TMEM143: variants seen among roughly 807,000 people sequenced by gnomAD.
TMEM143 encodes the protein transmembrane protein 143.
TMEM143 carries 45 observed loss-of-function variants against 40.3 expected under a neutral mutation model. The observed-to-expected ratio is 1.12, with a 90% CI of 0.88 to 1.43. The LOEUF (loss-of-function observed/expected upper bound fraction) is 1.43, where lower values mean the gene tolerates loss of function less well. Ranked by LOEUF, TMEM143 falls within the 40% of genes most tolerant of loss-of-function variation. The probability of loss-of-function intolerance (pLI) is 0.00; values close to 1 mark genes in which losing one functional copy is unlikely to be tolerated. For synonymous variants in TMEM143, 299 were observed against 282.7 expected (o/e 1.06, Z -0.58); for missense variants, 620 against 613.4 (o/e 1.01, Z -0.11).
At chr19:48,340,456 G>A (rs113710720) in intron 6 of TMEM143, among the ~76,000 whole-genome samples, 2,923 of 151,830 alleles carry the variant, frequency 0.019, 29 homozygotes, top group Non-Finnish European at 0.029. Context: ...TTGATTTGGG[G>A]TTTCACTATG....
intron 2 of TMEM143, among the ~76,000 whole-genome samples, chr19:48,361,728 C>A (rs1442227050): frequency 6.6e-6 from 1 of 151,418 alleles, no homozygotes; most frequent in Non-Finnish European, 1.5e-5. Flanking sequence ...ACGGTTTCAT[C>A]GTGTTAGCCA....
intron 3 of TMEM143, among the ~76,000 whole-genome samples, chr19:48,347,038 T>C (rs12980877): frequency 0.015 from 2,303 of 152,260 alleles, 29 homozygotes; most frequent in Middle Eastern, 0.13. Flanking sequence ...CAAACTGGCA[T>C]CTAACCTGCC....
intron 3 of TMEM143, among the ~76,000 whole-genome samples, chr19:48,351,439 C>G (rs1969772581): frequency 6.6e-6 from 1 of 152,198 alleles, no homozygotes; most frequent in African/African-American, 2.4e-5. Context: ...GTGGGTTCCC[C>G]AAGCAGCCAC....
chr19:48,345,246 G>A lies in TMEM143; in HGVS notation c.478C>T (p.Leu160=), dbSNP rs745885898. 5.6e-6 allele frequency: 9 copies of A among 1,613,272 alleles called. No individual in the cohort carries two copies. Among genetic ancestry groups the A allele is most frequent in the South Asian group, 2.2e-5 (2 of 91,066 alleles). ...EQEVLRALEP[L]LAQANFSPLS... ...GGGGAGAAGTTGGCCTGGGCCAGCA[G>A]GGGCTCCAGAGCCCGAAGCACCTCC... The change falls in exon 4 of 8, where the codon CTG becomes TTG. Residue 160 remains leucine, a synonymous_variant. Transcript: ENST00000293261.
intron 3 of TMEM143, among the ~76,000 whole-genome samples, chr19:48,358,990 G>A (rs1289178637): frequency 1.3e-5 from 2 of 152,146 alleles, no homozygotes; most frequent in South Asian, 2.1e-4. Flanking sequence ...CCAACATGGT[G>A]AAACCCAGTC....
At chr19:48,345,087 C>T in intron 4 of TMEM143, 73 bp downstream of exon 4, 1 of 1,506,240 alleles carries the variant, frequency 6.6e-7, no homozygotes, top group South Asian at 1.2e-5. Context: ...CTCCCAGCAG[C>T]CCATGCCTCT....
intron 6 of TMEM143, among the ~76,000 whole-genome samples, chr19:48,339,600 C>G (rs563564838): frequency 4.6e-5 from 7 of 152,184 alleles, no homozygotes; most frequent in Non-Finnish European, 1.0e-4. Flanking sequence ...GTCCAGGGAA[C>G]AGGAGAAGCC....
At position 48,349,203 on chromosome 19, in the gene TMEM143, A is replaced by G. The variant is rs557420510; in HGVS notation, c.370-3849T>C. On this transcript the variant is annotated intron_variant, in intron 3 of 7. Transcript: ENST00000293261. ...AAGACCCTGTCTTCAAAACAACAAC[A>G]ACGACAAACCAGATTGGTTTTAGTT... is the stretch of plus-strand genomic sequence containing the variant. Among the ~76,000 whole-genome samples, 4 of 151,708 alleles carry G rather than the reference A, an allele frequency of 2.6e-5. No homozygotes were observed. In the East Asian group the frequency reaches 5.9e-4, roughly 22 times the overall value.
intron 3 of TMEM143, among the ~76,000 whole-genome samples, chr19:48,348,699 T>C (rs1005049988): frequency 3.3e-5 from 5 of 152,154 alleles, no homozygotes; most frequent in African/African-American, 4.8e-5. Context: ...GGTTAAGTAA[T>C]TGCCCGAGGT....
chr19:48,332,967 G>A lies in TMEM143; in HGVS notation c.*252C>T. On this transcript the variant is annotated 3_prime_UTR_variant, in exon 8 of 8. Coordinates refer to ENST00000293261, the MANE Select transcript of TMEM143 (RefSeq NM_018273.4). ...CACTTGGATGTTTATGGTGAGGGTG[G>A]GACTAAGAAATGGAACAGAAGCAGA... 1 of 345,298 alleles carries A rather than the reference G, an allele frequency of 2.9e-6. No homozygotes were observed. Among genetic ancestry groups the A allele is most frequent in the African/African-American group, 2.1e-5 (1 of 47,698 alleles). 21.4% of individuals were successfully genotyped at this position (345,298 alleles called of 1,614,324 possible). A position where few individuals can be genotyped will look rare whatever the true frequency, so the allele number is the denominator to read the frequency against.
chr19:48,355,700 A>G (rs1203323114), intron 3 of TMEM143, among the ~76,000 whole-genome samples: 1 of 152,226 alleles, frequency 6.6e-6, no homozygotes, highest in East Asian at 1.9e-4. Context: ...TGGGTTGTCC[A>G]AACCCCGCAC....
rs1969243452 is a variant in TMEM143 at position 48,332,883 on chromosome 19, C to G, written c.*336G>C. Reference sequence around the variant, plus strand: ...TTTAACTCTTCTACCTGGCGGTTTACAGAAGCCAGAGCTGAGCAGCTGTGA... The same window carrying G: ...TTTAACTCTTCTACCTGGCGGTTTAGAGAAGCCAGAGCTGAGCAGCTGTGA... On this transcript the variant is annotated 3_prime_UTR_variant, in exon 8 of 8. Coordinates refer to ENST00000293261, the MANE Select transcript of TMEM143 (RefSeq NM_018273.4). 2 of 198,746 alleles carry G rather than the reference C, an allele frequency of 1.0e-5. 1 individual carries two copies. Among genetic ancestry groups the G allele is most frequent in the South Asian group, 3.5e-4 (2 of 5,738 alleles). The allele number at this position is 198,746 out of a possible 1,614,324, so 12.3% of individuals were successfully genotyped here.
Position 48,345,353 on chromosome 19 carries a change from G to A in TMEM143, c.371C>T (p.Ala124Val), listed in dbSNP as rs1296117952. Reference protein sequence around the residue: ...HYHQILARLQALYDPINPDRE... With the variant: ...HYHQILARLQVLYDPINPDRE... ...GTCAGGGTTGATGGGGTCATATAAG[G>A]CCTAAGAGGAGAGTCAGAGAGAAAA... The change falls in exon 4 of 8, where the codon GCC (alanine) becomes GTC (valine). Residue 124 changes from alanine (A) to valine (V), a missense_variant and splice_region_variant. Transcript: ENST00000293261. 1.3e-6 allele frequency: 2 copies of A among 1,535,928 alleles called. No homozygotes were observed. The highest frequency in any genetic ancestry group is 1.7e-6 in the Non-Finnish European group (2 of 1,144,572).
intron 3 of TMEM143, among the ~76,000 whole-genome samples, chr19:48,348,268 A>C (rs1009581959): frequency 1.3e-5 from 2 of 152,124 alleles, no homozygotes; most frequent in Non-Finnish European, 2.9e-5. Flanking sequence ...ACATCCTCCC[A>C]GGGCTTTGGG....
chr19:48,360,314 C>T (rs769765965), intron 2 of TMEM143, 138 bp from the exon 3 acceptor site: 16 of 816,050 alleles, frequency 2.0e-5, no homozygotes, highest in South Asian at 1.1e-4. Context: ...CGCAGTGTCT[C>T]GCACCTGTAA....
intron 4 of TMEM143, among the ~76,000 whole-genome samples, chr19:48,344,527 G>A (rs899964672): frequency 2.0e-5 from 3 of 152,104 alleles, no homozygotes; most frequent in Non-Finnish European, 4.4e-5. Flanking sequence ...GGGCTCGAGC[G>A]ATCCTCCTGC....
Position 48,360,091 on chromosome 19 carries a change from T to C in TMEM143, c.350A>G (p.Gln117Arg). ...VDFCTLFHYH[Q>R]ILARLQALYD... ...CCTCACCTGCAGCCGGGCCAGGATT[T>C]GGTGGTAGTGGAACAGGGTGCAGAA... The change falls in exon 3 of 8, where the codon CAA (glutamine) becomes CGA (arginine). Residue 117 changes from glutamine to arginine, a missense_variant. Gln to Arg is a conservative substitution (Grantham distance 43). Coordinates refer to ENST00000293261, the MANE Select transcript of TMEM143 (RefSeq NM_018273.4). 6.2e-7 allele frequency: 1 copy of C among 1,614,122 alleles called. No individual in the cohort carries two copies. Among genetic ancestry groups the C allele is most frequent in the Non-Finnish European group, 8.5e-7 (1 of 1,180,006 alleles).
chr19:48,339,341 C>T lies in TMEM143; in HGVS notation c.975+3189G>A, dbSNP rs149138417. Among the ~76,000 whole-genome samples, 324 of 152,264 alleles carry T rather than the reference C, an allele frequency of 2.1e-3. 1 individual carries two copies. The highest frequency in any genetic ancestry group is 3.1e-3 in the Admixed American group (48 of 15,300). ...CCCAGCCGGGAGGCTGAGCCTGGAG[C>T]TTCTTGGTTGATCTGATCATGGACA... On this transcript the variant is annotated intron_variant, in intron 6 of 7. Coordinates refer to ENST00000293261, the MANE Select transcript of TMEM143 (RefSeq NM_018273.4).
rs1458293278 is a variant in TMEM143 at position 48,343,413 on chromosome 19, G to A, written c.603C>T (p.Phe201=). Residue 201 remains phenylalanine, a synonymous_variant, in exon 5 of 8, where the codon TTC becomes TTT. Coordinates refer to ENST00000293261, the MANE Select transcript of TMEM143 (RefSeq NM_018273.4). ...VNLDQYVYIH[F]WALGQRVGQM... ...GCCCGACTCGCTGGCCCAGGGCCCA[G>A]AAGTGAATGTAGACATACTGATCCA... The A allele has an allele frequency of 1.3e-6, 2 of 1,591,746 alleles. No homozygotes were observed. Among genetic ancestry groups the A allele is most frequent in the Non-Finnish European group, 1.7e-6 (2 of 1,168,946 alleles).
Sources: gnomAD v4.1 joint callset for allele counts (sites outside exome capture counted in the v4.1 genomes callset) on GRCh38, gnomAD v4.1.1 for gene constraint, MANE v1.5 for transcripts, NCBI Gene and HGNC (gene_info 2026-07-23, HGNC 2026-07-21) for gene names.